Variants in TRIOBP observed in about 807,000 individuals in gnomAD.
The protein encoded by TRIOBP is TRIO and F-actin binding protein.
A neutral mutation model predicts 238.8 loss-of-function variants in TRIOBP; 169 were observed. That is an observed-to-expected ratio of 0.71 (90% CI 0.62 to 0.80). The LOEUF (loss-of-function observed/expected upper bound fraction) is 0.80, where lower values mean the gene tolerates loss of function less well. Ranked by LOEUF, TRIOBP falls within the 30% of genes least tolerant of loss-of-function variation. The probability of loss-of-function intolerance (pLI) is 0.00; values close to 1 mark genes in which losing one functional copy is unlikely to be tolerated. For missense variants in TRIOBP, 2,838 were observed against 3,122.6 expected, an observed-to-expected ratio of 0.91 and a Z score of 2.17; for synonymous variants, 1,150 against 1,274.4, an observed-to-expected ratio of 0.90 and a Z score of 2.08.
At chr22:37,755,383 G>T (rs1487020567) in intron 14 of TRIOBP, 167 bp from the exon 15 acceptor site, 1 of 901,950 alleles carries the variant, frequency 1.1e-6, no homozygotes, top group East Asian at 2.6e-5. Context: ...GAGCCAGCAG[G>T]GCTCTTCCCA....
chr22:37,704,002 C>G (rs961093477), intron 3 of TRIOBP, among the ~76,000 whole-genome samples: 1 of 152,154 alleles, frequency 6.6e-6, no homozygotes, highest in Non-Finnish European at 1.5e-5. Context: ...ATTTCCCACC[C>G]GAGACCGTGG....
intron 2 of TRIOBP, among the ~76,000 whole-genome samples, chr22:37,698,191 T>C (rs1922449988): frequency 2.0e-5 from 2 of 102,340 alleles, no homozygotes; most frequent in Non-Finnish European, 3.8e-5. Context: ...TAGACCGAGA[T>C]TCTGTCTCAA....
Position 37,723,825 on chromosome 22 carries a change from C to G in TRIOBP, c.1269C>G (p.Ala423=). 6.3e-7 allele frequency: 1 copy of G among 1,590,778 alleles called. No individual in the cohort carries two copies. The highest frequency in any genetic ancestry group is 8.6e-7 in the Non-Finnish European group (1 of 1,164,594). The stretch of plus-strand genomic sequence containing the variant: ...CCAGAACCTCCTCTCCCAATAGAGC[C>G]ACACGAGACAACCCCAGAACATCCT... ...KASRTSSPNR[A]TRDNPRTSCA... is the part of the protein sequence containing the mutation. The change falls in exon 7 of 24, where the codon GCC becomes GCG. Residue 423 remains alanine (A), a synonymous_variant. Transcript: ENST00000644935.
intron 3 of TRIOBP, among the ~76,000 whole-genome samples, chr22:37,702,150 AAAAAC>A (rs1245703416): frequency 6.6e-6 from 1 of 152,000 alleles, no homozygotes; most frequent in Non-Finnish European, 1.5e-5. Flanking sequence ...TAGAAAAAGA[AAAAAC>A]AAAACAGAAA....
chr22:37,739,025 G>C (rs1924813398), intron 10 of TRIOBP, among the ~76,000 whole-genome samples: 1 of 152,150 alleles, frequency 6.6e-6, no homozygotes, highest in Admixed American at 6.5e-5. Context: ...AGTGGTCTCT[G>C]TGGGAAGAGA....
Position 37,726,345 on chromosome 22 carries a change from C to T in TRIOBP, c.3789C>T (p.His1263=). The T allele has an allele frequency of 4.3e-6, 7 of 1,610,354 alleles. No homozygotes were observed. The highest frequency in any genetic ancestry group is 5.9e-6 in the Non-Finnish European group (7 of 1,178,764). Residue 1263 remains histidine, a synonymous_variant, in exon 7 of 24, where the codon CAC becomes CAT. Transcript: ENST00000644935. ...CAGCGCCTCCCGGGGAGACCAGGCA[C>T]AACTTGGAGCGGGAGGAGTACACTG... ...RGSAPPGETR[H]NLEREEYTVL... is the part of the protein sequence containing the mutation.
rs756575592 is a variant in TRIOBP, at chr22:37,725,830, T to A, written c.3274T>A (p.Ser1092Thr). 5 of 1,400,908 alleles carry A rather than the reference T, an allele frequency of 3.6e-6. No homozygotes were observed. Among genetic ancestry groups the A allele is most frequent in the Non-Finnish European group, 4.7e-6 (5 of 1,053,728 alleles). The allele number at this position is 1,400,908 out of a possible 1,614,324, so 86.8% of individuals were successfully genotyped here. ...CCCCTTCCCCTTCCTCCCAGACACA[T>A]CAGATGCCGAGCATCAGTGTCAGTC... ...FDPFPFLPDT[S>T]DAEHQCQSPQ... Residue 1092 changes from serine to threonine, a missense_variant, in exon 7 of 24, where the codon TCA (serine) becomes ACA (threonine). Transcript: ENST00000644935.
chr22:37,723,152 C>G lies in TRIOBP; in HGVS notation c.629-33C>G, dbSNP rs554170976. 82 of 1,611,284 alleles carry G rather than the reference C, an allele frequency of 5.1e-5. No individual in the cohort carries two copies. In the Admixed American group the frequency reaches 1.2e-3, roughly 23 times the overall value. On this transcript the variant is annotated intron_variant, in intron 6 of 23. Transcript: ENST00000644935. Reference sequence around the variant, plus strand: ...AATATGAGAGCTGCCTGGACCTCTCCCCTTACCTTGAGCCCCTCTCTTCTC... The same window carrying G: ...AATATGAGAGCTGCCTGGACCTCTCGCCTTACCTTGAGCCCCTCTCTTCTC...
rs35269997 is a variant in TRIOBP at position 37,774,123 on chromosome 22, T to TAAAAAAAAA, written c.*352_*360dup. The stretch of plus-strand genomic sequence containing the variant: ...TTTTTTTCCAAAACACTTTATACTT[T>TAAAAAAAAA]AAAAAAAAAAAAAAAAAGCAATTCC... On this transcript the variant is annotated 3_prime_UTR_variant, in exon 24 of 24. Transcript: ENST00000644935. The TAAAAAAAAA allele has an allele frequency of 7.2e-6, 1 of 139,586 alleles. No homozygotes were observed. Among genetic ancestry groups the TAAAAAAAAA allele is most frequent in the Non-Finnish European group, 1.5e-5 (1 of 64,690 alleles). The allele number at this position is 139,586 out of a possible 1,614,324, so 8.6% of individuals were successfully genotyped here.
At chr22:37,729,146 G>A (rs931224755) in intron 7 of TRIOBP, among the ~76,000 whole-genome samples, 2 of 152,046 alleles carry the variant, frequency 1.3e-5, no homozygotes, top group Non-Finnish European at 2.9e-5. Flanking sequence ...TTGAACTCCT[G>A]AGCTCAGGCA....
intron 3 of TRIOBP, among the ~76,000 whole-genome samples, chr22:37,709,606 G>A (rs1387006377): frequency 6.6e-6 from 1 of 152,208 alleles, no homozygotes; most frequent in Non-Finnish European, 1.5e-5. Context: ...GAGGAGGCGG[G>A]GCGCAGGGTG....
Position 37,734,650 on chromosome 22 carries a change from C to T in TRIOBP, c.4314C>T (p.Gly1438=), listed in dbSNP as rs778403617. Residue 1438 remains glycine, a synonymous_variant, in exon 9 of 24, where the codon GGC becomes GGT. Coordinates refer to ENST00000644935, the MANE Select transcript of TRIOBP (RefSeq NM_001039141.3). The part of the protein sequence containing the change: ...QSQEEPPGSQ[G]PHRHLERSWS... The stretch of plus-strand genomic sequence containing the variant: ...AGGAGGAACCGCCAGGGTCCCAGGG[C>T]CCTCATAGACACCTAGAAAGGAGCT... 1.3e-6 allele frequency: 2 copies of T among 1,595,002 alleles called. No individual in the cohort carries two copies. Among genetic ancestry groups the T allele is most frequent in the Admixed American group, 1.8e-5 (1 of 56,608 alleles).
rs1923935538 is a variant in TRIOBP, at chr22:37,723,381, C to A, written c.825C>A (p.Ile275=). Residue 275 remains isoleucine (I), a synonymous_variant, in exon 7 of 24, where the codon ATC becomes ATA. Transcript: ENST00000644935. The stretch of plus-strand genomic sequence containing the variant: ...CTCAGGCTGCCTCTACACGTGAAAT[C>A]CCCAGAGCCTCCTCTCCCCATCGAA... ...DTAQAASTRE[I]PRASSPHRIT... is the part of the protein sequence containing the mutation. 3 of 1,613,922 alleles carry A rather than the reference C, an allele frequency of 1.9e-6. No homozygotes were observed. In the East Asian group the frequency reaches 6.7e-5, roughly 36 times the overall value.
intron 4 of TRIOBP, among the ~76,000 whole-genome samples, chr22:37,712,313 A>C (rs1923291318): frequency 6.7e-6 from 1 of 150,082 alleles, no homozygotes; most frequent in Admixed American, 6.6e-5. Flanking sequence ...ACACCACCAC[A>C]CCCGACTAAT....
chr22:37,759,557 G>T (rs369175318), intron 17 of TRIOBP: 1 of 1,598,566 alleles, frequency 6.3e-7, no homozygotes, highest in Non-Finnish European at 8.5e-7. Flanking sequence ...CAGAGCCTGT[G>T]TGTGAGTCCC....
intron 16 of TRIOBP, 112 bp from the exon 17 acceptor site, chr22:37,759,042 A>G: frequency 2.2e-6 from 2 of 897,192 alleles, no homozygotes; most frequent in Non-Finnish European, 3.6e-6. Context: ...TAAGCCTTCC[A>G]GGGACGCTGG....
intron 4 of TRIOBP, among the ~76,000 whole-genome samples, chr22:37,711,604 A>C (rs1406454860): frequency 8.0e-5 from 12 of 150,566 alleles, no homozygotes; most frequent in African/African-American, 2.7e-4. Context: ...AACAAAAAAA[A>C]AAAACAAAAA....
intron 22 of TRIOBP, among the ~76,000 whole-genome samples, chr22:37,772,275 G>T (rs1010202616): frequency 2.0e-5 from 3 of 152,218 alleles, no homozygotes; most frequent in Admixed American, 6.5e-5. Flanking sequence ...CGCACTTGAA[G>T]AACAGGTGGC....
At chr22:37,754,668 A>G (rs113739684) in intron 12 of TRIOBP, among the ~76,000 whole-genome samples, 5 of 152,264 alleles carry the variant, frequency 3.3e-5, no homozygotes, top group African/African-American at 9.6e-5. Context: ...AGCTCCAAGA[A>G]GGAAAGGGAG....
Sources: allele counts gnomAD v4.1 joint callset (sites outside exome capture counted in the v4.1 genomes callset), GRCh38; gene constraint gnomAD v4.1.1; transcripts MANE v1.5; gene names NCBI Gene and HGNC (gene_info 2026-07-23, HGNC 2026-07-21).